The following PCDH15 variants were observed in gnomAD, a reference collection of about 807,000 sequenced individuals.
PCDH15 encodes protocadherin related 15, also known as protocadherin-15.
Under a neutral mutation model 178.5 loss-of-function variants are expected in PCDH15, and 129 were observed. That is an observed-to-expected ratio of 0.72 (90% CI 0.63 to 0.84). PCDH15 has a LOEUF of 0.84. PCDH15 is among the 40% of genes least tolerant of loss of function. The pLI is 0.00. For synonymous variants in PCDH15, 800 were observed against 732.0 expected (o/e 1.09, Z -1.50); for missense variants, 2,230 against 2,099.9 (o/e 1.06, Z -1.21).
At chr10:54,299,063 C>T (rs908938167) in intron 8 of PCDH15, among the ~76,000 whole-genome samples, 4 of 152,064 alleles carry the variant, frequency 2.6e-5, no homozygotes, top group East Asian at 1.9e-4. Flanking sequence ...CTTATACTGC[C>T]GAAGCCATCA....
At chr10:54,348,486 A>G (rs1280199139) in intron 5 of PCDH15, among the ~76,000 whole-genome samples, 3 of 152,152 alleles carry the variant, frequency 2.0e-5, no homozygotes, top group Non-Finnish European at 4.4e-5. Flanking sequence ...TTTTAATGGA[A>G]TTCCTGTTGC....
chr10:53,887,939 A>G (rs2081216896), intron 26 of PCDH15, among the ~76,000 whole-genome samples: 1 of 151,956 alleles, frequency 6.6e-6, no homozygotes, highest in Admixed American at 6.6e-5. Context: ...ACTAACTCCT[A>G]AAACATAGGT....
chr10:54,266,635 T>C (rs1432099769), intron 8 of PCDH15, among the ~76,000 whole-genome samples: 1 of 151,944 alleles, frequency 6.6e-6, no homozygotes, highest in Non-Finnish European at 1.5e-5. Context: ...TCCAGTCCCA[T>C]AGAGATTCAA....
At chr10:53,959,201 T>C (rs540955772) in intron 23 of PCDH15, among the ~76,000 whole-genome samples, 2 of 149,140 alleles carry the variant, frequency 1.3e-5, no homozygotes, top group Non-Finnish European at 3.0e-5. Context: ...ACACACAGTA[T>C]ATATATAAAT....
intron 15 of PCDH15, among the ~76,000 whole-genome samples, chr10:54,107,328 CTGAT>C (rs1210356069): frequency 4.6e-5 from 7 of 152,178 alleles, no homozygotes; most frequent in Non-Finnish European, 1.0e-4. Context: ...TTCTTCCTTC[CTGAT>C]TTTCTTCTTG....
intron 3 of PCDH15, among the ~76,000 whole-genome samples, chr10:54,434,145 G>A (rs1189489553): frequency 1.3e-5 from 2 of 152,182 alleles, no homozygotes; most frequent in East Asian, 3.8e-4. Flanking sequence ...TTGTGCAGGT[G>A]TACAATGTGT....
intron 13 of PCDH15, among the ~76,000 whole-genome samples, chr10:54,164,933 T>C (rs2046069545): frequency 6.6e-6 from 1 of 152,192 alleles, no homozygotes; most frequent in South Asian, 2.1e-4. Context: ...ACTGGGTCTC[T>C]CCAGGTTGGC....
At chr10:55,533,511 A>G (rs1373913570) in intron 2 of PCDH15, among the ~76,000 whole-genome samples, 1 of 152,098 alleles carries the variant, frequency 6.6e-6, no homozygotes, top group Non-Finnish European at 1.5e-5. Flanking sequence ...GTAGGAATAC[A>G]GCTAATGAAG....
At chr10:54,038,539 T>C (rs1211661089) in intron 18 of PCDH15, among the ~76,000 whole-genome samples, 1 of 151,906 alleles carries the variant, frequency 6.6e-6, no homozygotes, top group African/African-American at 2.4e-5. Flanking sequence ...TTTTCTGAGC[T>C]GGGGTAAAAT....
chr10:55,051,386 T>G (rs1841156084), intron 2 of PCDH15, among the ~76,000 whole-genome samples: 1 of 152,192 alleles, frequency 6.6e-6, no homozygotes, highest in South Asian at 2.1e-4. Flanking sequence ...TTTAATATAG[T>G]AAACAGTAGC....
intron 2 of PCDH15, among the ~76,000 whole-genome samples, chr10:55,110,112 G>A (rs2252981): frequency 0.45 from 68,319 of 151,470 alleles, 19,130 homozygotes; most frequent in African/African-American, 0.79. Flanking sequence ...AAATGCCTGT[G>A]TAATATTATA....
At chr10:55,257,757 T>C (rs935115076) in intron 1 of PCDH15, among the ~76,000 whole-genome samples, 3 of 152,066 alleles carry the variant, frequency 2.0e-5, no homozygotes, top group Non-Finnish European at 4.4e-5. Context: ...TTGGTGTACC[T>C]GAAAGTGATG....
upstream of PCDH15, among the ~76,000 whole-genome samples, chr10:55,324,309 G>T (rs1233934210): frequency 6.6e-6 from 1 of 152,024 alleles, no homozygotes; most frequent in Admixed American, 6.6e-5. Context: ...GTTGAATAAA[G>T]AAGCAAGACC....
chr10:55,502,395 A>T (rs76772604), intron 2 of PCDH15, among the ~76,000 whole-genome samples: 1 of 151,584 alleles, frequency 6.6e-6, no homozygotes, highest in African/African-American at 2.4e-5. Context: ...TCTTGAAAAA[A>T]GCTTCCATCA....
chr10:55,499,215 A>G (rs552967242), intron 2 of PCDH15, among the ~76,000 whole-genome samples: 1 of 151,950 alleles, frequency 6.6e-6, no homozygotes, highest in African/African-American at 2.4e-5. Flanking sequence ...ATGAAGCAAT[A>G]ATAACTACAT....
At chr10:55,354,769 A>G (rs1845034091) in intron 2 of PCDH15, among the ~76,000 whole-genome samples, 1 of 152,026 alleles carries the variant, frequency 6.6e-6, no homozygotes, top group Non-Finnish European at 1.5e-5. Context: ...CATAAAATAA[A>G]ATATTTTTGC....
chr10:53,941,584 C>T lies in PCDH15; in HGVS notation c.3123-609G>A, dbSNP rs905477885. Among the ~76,000 whole-genome samples the T allele has an allele frequency of 2.6e-5, 4 of 152,172 alleles. No individual in the cohort carries two copies. The South Asian group carries it at 6.2e-4, about 24-fold the overall frequency. On this transcript the variant is annotated intron_variant, in intron 23 of 37. Transcript: ENST00000644397. The stretch of plus-strand genomic sequence containing the variant: ...CCATAAATAAAAAACATCTTGGTTG[C>T]TTCCAAGTTTTGGCAATTATGACTA...
At chr10:54,955,936 G>A (rs1591804880) in intron 2 of PCDH15, among the ~76,000 whole-genome samples, 1 of 151,456 alleles carries the variant, frequency 6.6e-6, no homozygotes, top group Non-Finnish European at 1.5e-5. Flanking sequence ...AAGCCATAAT[G>A]AAATTCAGCA....
chr10:53,829,160 A>T (rs1403914192), intron 30 of PCDH15, among the ~76,000 whole-genome samples: 1 of 152,196 alleles, frequency 6.6e-6, no homozygotes, highest in African/African-American at 2.4e-5. Flanking sequence ...TCAAGGTACA[A>T]ATGTTAGGTC....
Sources: gnomAD v4.1 joint callset for allele counts (sites outside exome capture counted in the v4.1 genomes callset) on GRCh38, gnomAD v4.1.1 for gene constraint, MANE v1.5 for transcripts, NCBI Gene and HGNC (gene_info 2026-07-23, HGNC 2026-07-21) for gene names.